The following PUM2 variants were observed in gnomAD, a reference collection of about 807,000 sequenced individuals.
PUM2 encodes pumilio RNA binding family member 2.
A neutral mutation model predicts 124.5 loss-of-function variants in PUM2; 57 were observed. The ratio of observed to expected loss-of-function variants is 0.46; its 90% confidence interval spans 0.37 to 0.57. The LOEUF (loss-of-function observed/expected upper bound fraction) is 0.57, where lower values mean the gene tolerates loss of function less well. PUM2 is among the 20% of genes least tolerant of loss of function. The pLI, the probability that PUM2 is intolerant of heterozygous loss-of-function variation, is 0.00. For synonymous variants in PUM2, 460 were observed against 446.1 expected (o/e 1.03, Z -0.39); for missense variants, 1,065 against 1,290.6 (o/e 0.83, Z 2.68).
intron 13 of PUM2, among the ~76,000 whole-genome samples, chr2:20,276,066 C>A (rs1273174225): frequency 1.3e-5 from 2 of 151,938 alleles, no homozygotes; most frequent in African/African-American, 4.8e-5. Context: ...AAAATTTTTT[C>A]ATGCATCTAA....
At chr2:20,285,803 A>G (rs902971651) in intron 10 of PUM2, among the ~76,000 whole-genome samples, 1 of 152,192 alleles carries the variant, frequency 6.6e-6, no homozygotes, top group African/African-American at 2.4e-5. Flanking sequence ...ACAGTTTTAC[A>G]TATTAAAAGG....
intron 2 of PUM2, among the ~76,000 whole-genome samples, chr2:20,321,306 GA>G: frequency 6.6e-6 from 1 of 152,076 alleles, no homozygotes; most frequent in Non-Finnish European, 1.5e-5. Flanking sequence ...AAAAGAAAAA[GA>G]AAAAACGCAA....
chr2:20,262,445 C>A (rs778454887), intron 14 of PUM2, among the ~76,000 whole-genome samples: 1 of 152,204 alleles, frequency 6.6e-6, no homozygotes, highest in Non-Finnish European at 1.5e-5. Context: ...GCAGCCTAGG[C>A]GCAATATACA....
chr2:20,325,782 C>T (rs1168589346), intron 2 of PUM2, among the ~76,000 whole-genome samples: 2 of 152,074 alleles, frequency 1.3e-5, no homozygotes, highest in African/African-American at 4.8e-5. Flanking sequence ...CCGCCACGCC[C>T]GGCTAATTTT....
At chr2:20,326,358 A>C in intron 2 of PUM2, 1 of 1,304,306 alleles carries the variant, frequency 7.7e-7, no homozygotes, top group East Asian at 5.5e-5. Context: ...TTGTGGCCCA[A>C]AGGAGAGACT....
At chr2:20,346,612 C>G (rs1331869326) in intron 1 of PUM2, among the ~76,000 whole-genome samples, 8 of 152,206 alleles carry the variant, frequency 5.3e-5, no homozygotes, top group Admixed American at 1.3e-4. Context: ...ACTTCTTACT[C>G]TTGTCATAAG....
intron 7 of PUM2, among the ~76,000 whole-genome samples, chr2:20,306,025 C>CA (rs1259492278): frequency 1.3e-5 from 2 of 152,046 alleles, no homozygotes; most frequent in African/African-American, 4.8e-5. Context: ...CCAGCCTGGG[C>CA]AACATGGTGA....
intron 13 of PUM2, among the ~76,000 whole-genome samples, chr2:20,271,670 T>C (rs1331408798): frequency 6.6e-6 from 1 of 152,170 alleles, no homozygotes; most frequent in African/African-American, 2.4e-5. Flanking sequence ...GTAAATAGCA[T>C]TTAATTTGGA....
intron 3 of PUM2, among the ~76,000 whole-genome samples, chr2:20,315,590 G>A (rs947669937): frequency 1.3e-4 from 20 of 151,954 alleles, no homozygotes; most frequent in African/African-American, 4.4e-4. Context: ...TAAATTTCAC[G>A]GTTTCTCTAT....
chr2:20,345,089 C>CT (rs768667526), intron 1 of PUM2, among the ~76,000 whole-genome samples: 4,213 of 129,354 alleles, frequency 0.033, 199 homozygotes, highest in African/African-American at 0.11. Context: ...GCACTTTTTT[C>CT]TTTTTTTTTT....
intron 3 of PUM2, among the ~76,000 whole-genome samples, chr2:20,313,466 C>T (rs920808077): frequency 6.6e-6 from 1 of 152,174 alleles, no homozygotes; most frequent in African/African-American, 2.4e-5. Flanking sequence ...TGCTTATAAA[C>T]ATCATTTTAA....
chr2:20,254,956 T>C lies in PUM2; in HGVS notation c.2777A>G (p.His926Arg). 1.2e-6 allele frequency: 2 copies of C among 1,613,634 alleles called. No individual in the cohort carries two copies. Among genetic ancestry groups the C allele is most frequent in the Non-Finnish European group, 1.7e-6 (2 of 1,179,656 alleles). The part of the protein sequence containing the change: ...QDQYGNYVIQ[H>R]VLEHGRPEDK... Reference sequence around the variant, plus strand: ...TTCAGGTCGACCGTGTTCCAGTACATGCTGAATAACATAATTGCCATACTG... The same window carrying C: ...TTCAGGTCGACCGTGTTCCAGTACACGCTGAATAACATAATTGCCATACTG... Residue 926 changes from histidine to arginine, a missense_variant, in exon 19 of 21, where the codon CAT (histidine) becomes CGT (arginine). His to Arg is a conservative substitution (Grantham distance 29). Coordinates refer to ENST00000361078, the MANE Select transcript of PUM2 (RefSeq NM_015317.5).
intron 1 of PUM2, among the ~76,000 whole-genome samples, chr2:20,333,470 G>A (rs1017174841): frequency 6.6e-6 from 1 of 151,498 alleles, no homozygotes; most frequent in African/African-American, 2.4e-5. Context: ...GGAGGTTGAG[G>A]GTGCAGTGAG....
chr2:20,273,948 A>G (rs1403068455), intron 13 of PUM2, among the ~76,000 whole-genome samples: 1 of 152,210 alleles, frequency 6.6e-6, no homozygotes, highest in Admixed American at 6.5e-5. Context: ...ATAATGAGGT[A>G]ATCATTAGAT....
At chr2:20,304,523 T>C (rs947850055) in intron 7 of PUM2, among the ~76,000 whole-genome samples, 10 of 152,344 alleles carry the variant, frequency 6.6e-5, no homozygotes, top group Admixed American at 2.6e-4. Flanking sequence ...TACTGGAACA[T>C]AGCAATATTT....
At chr2:20,345,226 T>C (rs1688026751) in intron 1 of PUM2, among the ~76,000 whole-genome samples, 1 of 151,200 alleles carries the variant, frequency 6.6e-6, no homozygotes, top group Admixed American at 6.6e-5. Context: ...CATTCCCACC[T>C]CAGCCTCCCA....
intron 2 of PUM2, among the ~76,000 whole-genome samples, chr2:20,323,604 C>T (rs892399921): frequency 3.3e-5 from 5 of 152,072 alleles, no homozygotes; most frequent in Non-Finnish European, 5.9e-5. Flanking sequence ...ATATTATTCA[C>T]TTTAACGATT....
At chr2:20,318,431 A>T in intron 3 of PUM2, 106 bp downstream of exon 3, 1 of 982,888 alleles carries the variant, frequency 1.0e-6, no homozygotes, top group Non-Finnish European at 1.5e-6. Context: ...GCAAAACTAT[A>T]CAAAAAATGC....
Position 20,308,067 on chromosome 2 carries a change from A to C in PUM2, c.794T>G (p.Phe265Cys). ...LFDYNSQQQL[F>C]QRTNALTVQQ... ...AACTGTTAGTGCATTAGTCCTCTGAAAGAGCTATTAGGGAAAATATTTAAC... is the reference window on the plus strand; with the variant it reads ...AACTGTTAGTGCATTAGTCCTCTGACAGAGCTATTAGGGAAAATATTTAAC... The change falls in exon 7 of 21, where the codon TTT becomes TGT. Residue 265 changes from phenylalanine (F) to cysteine (C), a missense_variant. Phe to Cys is a radical substitution (Grantham distance 205). Around this residue, in one of 3 missense-constraint regions of PUM2, gnomAD observed 968 missense variants for 1,159.8 expected, o/e 0.83. Transcript: ENST00000361078. 1 of 1,608,658 alleles carries C rather than the reference A, an allele frequency of 6.2e-7. No individual in the cohort carries two copies. The highest frequency in any genetic ancestry group is 1.1e-5 in the South Asian group (1 of 90,800).
Sources: allele counts gnomAD v4.1 joint callset (sites outside exome capture counted in the v4.1 genomes callset), GRCh38; gene constraint gnomAD v4.1.1; regional missense constraint gnomAD v4.1.1; transcripts MANE v1.5; gene names NCBI Gene and HGNC (gene_info 2026-07-23, HGNC 2026-07-21).